IL10RB: variants seen among roughly 807,000 people sequenced by gnomAD.
IL10RB encodes interleukin 10 receptor subunit beta.
Under a neutral mutation model 38.7 loss-of-function variants are expected in IL10RB, and 30 were observed. The ratio of observed to expected loss-of-function variants is 0.78; its 90% CI spans 0.58 to 1.05. The LOEUF is 1.05. IL10RB is among the 50% of genes least tolerant of loss of function. The pLI, the probability that IL10RB is intolerant of heterozygous loss-of-function variation, is 0.00. For synonymous variants in IL10RB, 142 were observed against 145.9 expected, an observed-to-expected ratio of 0.97 and a Z score of 0.19; for missense variants, 328 against 397.1, an observed-to-expected ratio of 0.83 and a Z score of 1.48.
intron 1 of IL10RB, among the ~76,000 whole-genome samples, chr21:33,302,821 A>G (rs989525244): frequency 6.6e-6 from 1 of 152,222 alleles, no homozygotes; most frequent in African/African-American, 2.4e-5. Flanking sequence ...GCCTGTAGAC[A>G]GGAAATGAGG....
intron 6 of IL10RB, among the ~76,000 whole-genome samples, chr21:33,290,076 T>C (rs1260812580): frequency 1.8e-4 from 27 of 151,536 alleles, no homozygotes; most frequent in Admixed American, 1.8e-3. Flanking sequence ...ATCGCGCCAC[T>C]GCACTCTAAC....
At chr21:33,294,390 C>CGTGTGTGTGTGTGTGTGTGTGCGT (rs34889428) in intron 6 of IL10RB, among the ~76,000 whole-genome samples, 4 of 148,892 alleles carry the variant, frequency 2.7e-5, no homozygotes, top group African/African-American at 9.9e-5. Context: ...TGTGTGTGTG[C>CGTGTGTGTGTGTGTGTGTGTGCGT]GTGTGTGTGT....
intron 1 of IL10RB, among the ~76,000 whole-genome samples, chr21:33,302,880 C>T (rs978591089): frequency 6.6e-6 from 1 of 152,230 alleles, no homozygotes; most frequent in African/African-American, 2.4e-5. Context: ...AGGACTGACC[C>T]TGGGCAACTT....
Position 33,266,521 on chromosome 21 carries a change from G to A in IL10RB, c.49+7G>A. ...GGCTGCCTGCTGGTGTCAGGTGAGG[G>A]GTCCGCGGGGAGGGGGCGCGCTTGG... On this transcript the variant is annotated splice_region_variant and intron_variant, in intron 1 of 6. Coordinates refer to ENST00000290200, the MANE Select transcript of IL10RB (RefSeq NM_000628.5). The A allele has an allele frequency of 6.5e-7, 1 of 1,542,040 alleles. No individual in the cohort carries two copies. The highest frequency in any genetic ancestry group is 8.7e-7 in the Non-Finnish European group (1 of 1,147,192).
At chr21:33,290,226 A>G (rs1203958556) in intron 6 of IL10RB, among the ~76,000 whole-genome samples, 1 of 151,888 alleles carries the variant, frequency 6.6e-6, no homozygotes, top group African/African-American at 2.4e-5. Context: ...GGGAGGTGGA[A>G]GTTGCAGTGA....
intron 2 of IL10RB, 48 bp downstream of exon 2, chr21:33,268,565 C>G: frequency 1.5e-6 from 2 of 1,349,520 alleles, no homozygotes; most frequent in Non-Finnish European, 2.1e-6. Context: ...GGAGCCAGCC[C>G]TGGGCTGGTC....
At chr21:33,305,026 T>A (rs1454906041) in intron 1 of IL10RB, among the ~76,000 whole-genome samples, 2 of 152,146 alleles carry the variant, frequency 1.3e-5, no homozygotes, top group African/African-American at 2.4e-5. Context: ...CCAAAAAAGG[T>A]AAAGAGCCTA....
chr21:33,292,192 C>A (rs907902203), intron 6 of IL10RB, among the ~76,000 whole-genome samples: 14 of 152,198 alleles, frequency 9.2e-5, no homozygotes, highest in Non-Finnish European at 2.1e-4. Flanking sequence ...TTGTCACTAA[C>A]CCCTGCCTGG....
chr21:33,268,126 T>A, intron 1 of IL10RB: 1 of 897,810 alleles, frequency 1.1e-6, no homozygotes, highest in Non-Finnish European at 1.6e-6. Context: ...GTGCCCACCC[T>A]ACCCCCTCAT....
chr21:33,278,244 G>A (rs568941132), intron 3 of IL10RB, among the ~76,000 whole-genome samples: 27 of 151,928 alleles, frequency 1.8e-4, no homozygotes, highest in South Asian at 6.2e-4. Context: ...TCTCTATATG[G>A]GGAGTGGTCT....
At chr21:33,302,988 G>T (rs909769217) in intron 1 of IL10RB, among the ~76,000 whole-genome samples, 1 of 152,206 alleles carries the variant, frequency 6.6e-6, no homozygotes, top group East Asian at 1.9e-4. Flanking sequence ...CTGCGGTCAA[G>T]GTCTCAGGCC....
exon 2 of IL10RB, chr21:33,309,737 A>G (rs1286821277): frequency 6.6e-6 from 1 of 152,238 alleles, no homozygotes; most frequent in Non-Finnish European, 1.5e-5. Context: ...AAAAGTATGT[A>G]GAGAATAACA....
chr21:33,286,093 G>A (rs1048101725), intron 5 of IL10RB, among the ~76,000 whole-genome samples: 7 of 152,046 alleles, frequency 4.6e-5, no homozygotes, highest in Non-Finnish European at 8.8e-5. Context: ...CGAGGGCCAT[G>A]GGGTTGGGGG....
chr21:33,291,046 G>C (rs1989476965), intron 6 of IL10RB, among the ~76,000 whole-genome samples: 1 of 152,116 alleles, frequency 6.6e-6, no homozygotes, highest in African/African-American at 2.4e-5. Flanking sequence ...GGCGTTCCTT[G>C]GCTTCTAGAG....
At position 33,267,502 on chromosome 21, in the gene IL10RB, G is replaced by GTTTGT. The variant is rs1477718652; in HGVS notation, c.50-889_50-888insGTTTT. On this transcript the variant is annotated intron_variant, in intron 1 of 6. Transcript: ENST00000290200. ...CTTCCGTTTTTTTTTTTGTTTGTTT[G>GTTTGT]TTTTTTTGTTTTTTTGTTTTTTTTT... is the stretch of plus-strand genomic sequence containing the variant. Among the ~76,000 whole-genome samples the GTTTGT allele has an allele frequency of 7.0e-4, 72 of 102,708 alleles. 1 individual carries two copies. Among genetic ancestry groups the GTTTGT allele is most frequent in the African/African-American group, 2.6e-3 (69 of 26,996 alleles). 67.4% of individuals were successfully genotyped at this position (102,708 alleles called of 152,430 possible). A position where few individuals can be genotyped will look rare whatever the true frequency, so the allele number is the denominator to read the frequency against.
Position 33,296,308 on chromosome 21 carries a change from G to A in IL10RB, c.929G>A (p.Gly310Asp), listed in dbSNP as rs764543444. 5.6e-6 allele frequency: 9 copies of A among 1,614,008 alleles called. No individual in the cohort carries two copies. Among genetic ancestry groups the A allele is most frequent in the Non-Finnish European group, 7.6e-6 (9 of 1,180,034 alleles). ...EDSESGKQNP[G>D]DSCSLGTPPG... ...TCTGAGAGCGGCAAGCAGAATCCTG[G>A]TGACAGCTGCAGCCTCGGGACCCCG... The change falls in exon 7 of 7, where the codon GGT becomes GAT. Residue 310 changes from glycine to aspartate, a missense_variant. By Grantham distance (94) the Gly-to-Asp change is moderately conservative (BLOSUM62 -1). Coordinates refer to ENST00000290200, the MANE Select transcript of IL10RB (RefSeq NM_000628.5).
chr21:33,296,533 G>A lies in IL10RB; in HGVS notation c.*176G>A, dbSNP rs1448120476. The A allele has an allele frequency of 4.2e-6, 3 of 717,700 alleles. No individual in the cohort carries two copies. In the South Asian group the frequency reaches 4.5e-5, roughly 11 times the overall value. The allele number at this position is 717,700 out of a possible 1,614,324, so 44.5% of individuals were successfully genotyped here. A position where few individuals can be genotyped will look rare whatever the true frequency, so the allele number is the denominator to read the frequency against. ...GAGCTACATTTTAAAGGCTGTCTTG[G>A]CAAAAATACTCCATTTGGGAACTCA... On this transcript the variant is annotated 3_prime_UTR_variant, in exon 7 of 7. Coordinates refer to ENST00000290200, the MANE Select transcript of IL10RB (RefSeq NM_000628.5).
chr21:33,268,194 C>A, intron 1 of IL10RB, 200 bp from the exon 2 acceptor site: 5 of 1,469,644 alleles, frequency 3.4e-6, no homozygotes, highest in Non-Finnish European at 4.5e-6. Context: ...TTTACTCCTG[C>A]CCCTCCAGAA....
At position 33,297,039 on chromosome 21, in the gene IL10RB, C is replaced by T. The variant is rs895967213; in HGVS notation, c.*682C>T. 3 of 169,906 alleles carry T rather than the reference C, an allele frequency of 1.8e-5. No homozygotes were observed. Among genetic ancestry groups the T allele is most frequent in the Middle Eastern group, 3.0e-3 (1 of 336 alleles). 10.5% of individuals were successfully genotyped at this position (169,906 alleles called of 1,614,324 possible). ...GAGATGTTACATCTGGTAGATGTAA[C>T]ATTCTACCAGATTATGGATGGACTG... is the stretch of plus-strand genomic sequence containing the variant. On this transcript the variant is annotated 3_prime_UTR_variant, in exon 7 of 7. Transcript: ENST00000290200.
Sources: allele counts gnomAD v4.1 joint callset (sites outside exome capture counted in the v4.1 genomes callset), GRCh38; gene constraint gnomAD v4.1.1; transcripts MANE v1.5; gene names NCBI Gene and HGNC (gene_info 2026-07-23, HGNC 2026-07-21).